RAPGEF1: variants seen among roughly 807,000 people sequenced by gnomAD.
The protein encoded by RAPGEF1 is CRK SH3-binding GNRP.
Under a neutral mutation model 143.3 loss-of-function variants are expected in RAPGEF1, and 33 were observed. That is an observed-to-expected ratio of 0.23 (90% CI 0.17 to 0.31). The LOEUF (loss-of-function observed/expected upper bound fraction) is 0.31. Ranked by LOEUF, RAPGEF1 falls within the 10% of genes least tolerant of loss-of-function variation. The pLI is 1.00. For synonymous variants in RAPGEF1, 629 were observed against 676.5 expected, an observed-to-expected ratio of 0.93 and a Z score of 1.09; for missense variants, 1,199 against 1,645.4, an observed-to-expected ratio of 0.73 and a Z score of 4.69.
At chr9:131,649,200 A>ATTTTTTTTTTTTTTTTTTTTTTTTT (rs55813422) in intron 3 of RAPGEF1, among the ~76,000 whole-genome samples, 2 of 87,236 alleles carry the variant, frequency 2.3e-5, no homozygotes, top group Non-Finnish European at 2.1e-5. Flanking sequence ...GCCTGGCTAA[A>ATTTTTTTTTTTTTTTTTTTTTTTTT]TTTTTTTTTT....
At chr9:131,627,830 G>T in intron 9 of RAPGEF1, 83 bp downstream of exon 9, 1 of 1,409,792 alleles carries the variant, frequency 7.1e-7, no homozygotes, top group Non-Finnish European at 9.6e-7. Context: ...ATGATTGCAT[G>T]ACCTGGGACT....
intron 1 of RAPGEF1, among the ~76,000 whole-genome samples, chr9:131,726,457 C>T (rs1836676660): frequency 6.6e-6 from 1 of 151,984 alleles, no homozygotes; most frequent in Admixed American, 6.6e-5. Context: ...TGAAACCCGT[C>T]TCTACTAAAA....
intron 12 of RAPGEF1, among the ~76,000 whole-genome samples, chr9:131,611,852 TGGCAATTAAGCAGTTCAAAAATG>T (rs1158118148): frequency 2.6e-5 from 4 of 152,344 alleles, no homozygotes; most frequent in Admixed American, 6.5e-5. Flanking sequence ...AAAATTTATT[TGGCAATTAAGCAGTTCAAAAATG>T]GGCAATTAAG....
intron 1 of RAPGEF1, chr9:131,737,351 A>G (rs1183772402): frequency 6.2e-7 from 1 of 1,612,926 alleles, no homozygotes; most frequent in Admixed American, 1.7e-5. Flanking sequence ...TAGCACAAAC[A>G]CTGTCCCCTC....
intron 1 of RAPGEF1, among the ~76,000 whole-genome samples, chr9:131,718,891 C>G (rs185255678): frequency 2.6e-5 from 4 of 152,214 alleles, no homozygotes; most frequent in African/African-American, 4.8e-5. Flanking sequence ...GAGCCCAAAA[C>G]AGAAGGCTGA....
Position 131,629,265 on chromosome 9 carries a change from G to A in RAPGEF1, c.741-11C>T, listed in dbSNP as rs760784715. 4 of 1,612,052 alleles carry A rather than the reference G, an allele frequency of 2.5e-6. No homozygotes were observed. The highest frequency in any genetic ancestry group is 3.4e-6 in the Non-Finnish European group (4 of 1,178,778). ...GGGAGCTCTGCTGGGCTGGAGAATT[G>A]GGAAGAACTTGGGGTTACAGAAGGT... is the stretch of plus-strand genomic sequence containing the variant. On this transcript the variant is annotated splice_polypyrimidine_tract_variant and intron_variant, in intron 6 of 26. Transcript: ENST00000683357.
At chr9:131,701,857 C>T (rs1484963328) in intron 1 of RAPGEF1, among the ~76,000 whole-genome samples, 1 of 152,188 alleles carries the variant, frequency 6.6e-6, no homozygotes, top group Non-Finnish European at 1.5e-5. Flanking sequence ...GATTTTTACT[C>T]TTCTCTTCTA....
At chr9:131,651,295 A>G (rs1338250180) in intron 1 of RAPGEF1, among the ~76,000 whole-genome samples, 2 of 152,238 alleles carry the variant, frequency 1.3e-5, no homozygotes, top group Non-Finnish European at 2.9e-5. Context: ...ACAGATGTGT[A>G]GGATGTGAGA....
At chr9:131,716,800 G>A (rs1301682297) in intron 1 of RAPGEF1, among the ~76,000 whole-genome samples, 1 of 152,148 alleles carries the variant, frequency 6.6e-6, no homozygotes, top group Non-Finnish European at 1.5e-5. Flanking sequence ...AAAACCCCTC[G>A]ATGCTTCCTG....
At chr9:131,692,922 A>G (rs755990639) in intron 1 of RAPGEF1, among the ~76,000 whole-genome samples, 3 of 152,166 alleles carry the variant, frequency 2.0e-5, no homozygotes, top group Non-Finnish European at 4.4e-5. Context: ...TGCTTGGCTA[A>G]AACAGGTAGA....
intron 1 of RAPGEF1, among the ~76,000 whole-genome samples, chr9:131,670,371 C>A (rs544233496): frequency 6.6e-6 from 1 of 152,312 alleles, no homozygotes; most frequent in East Asian, 1.9e-4. Context: ...CCTGTCCCCA[C>A]CCTCGCTTCT....
intron 22 of RAPGEF1, among the ~76,000 whole-genome samples, chr9:131,585,965 G>A (rs1453799337): frequency 6.6e-6 from 1 of 152,120 alleles, no homozygotes; most frequent in African/African-American, 2.4e-5. Flanking sequence ...GGATCACGAG[G>A]CCAGGAGGTT....
intron 1 of RAPGEF1, among the ~76,000 whole-genome samples, chr9:131,732,960 C>T (rs1468653927): frequency 2.0e-5 from 3 of 152,114 alleles, no homozygotes; most frequent in Non-Finnish European, 4.4e-5. Flanking sequence ...AGTGAAACAT[C>T]ATTCTACTCA....
At chr9:131,660,065 G>A (rs1329844667) in intron 1 of RAPGEF1, among the ~76,000 whole-genome samples, 10 of 152,208 alleles carry the variant, frequency 6.6e-5, no homozygotes, top group East Asian at 1.9e-4. Flanking sequence ...TGATCCGCCC[G>A]CCTCGGCCTC....
At chr9:131,707,797 A>C (rs1273061965) in intron 1 of RAPGEF1, among the ~76,000 whole-genome samples, 1 of 152,256 alleles carries the variant, frequency 6.6e-6, no homozygotes, top group African/African-American at 2.4e-5. Flanking sequence ...TTATGATTTT[A>C]GAGAGTAAAT....
At chr9:131,709,245 G>T (rs915237495) in intron 1 of RAPGEF1, among the ~76,000 whole-genome samples, 10 of 152,170 alleles carry the variant, frequency 6.6e-5, no homozygotes, top group Non-Finnish European at 1.3e-4. Context: ...AACTCAGGAG[G>T]CTGAGGCAGA....
chr9:131,695,499 G>A (rs537282596), intron 1 of RAPGEF1, among the ~76,000 whole-genome samples: 21 of 152,332 alleles, frequency 1.4e-4, no homozygotes, highest in African/African-American at 4.6e-4. Context: ...GATTGCAAGC[G>A]CACTGCTGTG....
intron 1 of RAPGEF1, among the ~76,000 whole-genome samples, chr9:131,694,290 A>T (rs886512994): frequency 6.6e-6 from 1 of 152,152 alleles, no homozygotes; most frequent in South Asian, 2.1e-4. Context: ...CTAATACCCT[A>T]GGGCATGCAT....
At chr9:131,717,385 T>C (rs974609524) in intron 1 of RAPGEF1, among the ~76,000 whole-genome samples, 1 of 152,008 alleles carries the variant, frequency 6.6e-6, no homozygotes, top group Non-Finnish European at 1.5e-5. Context: ...GAACAAAAAT[T>C]AGTGAGCGTC....
Sources: allele counts gnomAD v4.1 joint callset (sites outside exome capture counted in the v4.1 genomes callset), GRCh38; gene constraint gnomAD v4.1.1; transcripts MANE v1.5; gene names NCBI Gene and HGNC (gene_info 2026-07-23, HGNC 2026-07-21).